Variants in SLC22A25 observed in about 807,000 individuals in gnomAD.
SLC22A25 encodes MGI:2442751, MGI:2385316, MGI:3042283, MGI:3645714, MGI:3605624, MGI:2442750.
SLC22A25 carries 44 observed loss-of-function variants against 45.9 expected under a neutral mutation model. The observed-to-expected ratio is 0.96, with a 90% CI of 0.75 to 1.23. The LOEUF (loss-of-function observed/expected upper bound fraction) is 1.23, where lower values mean the gene tolerates loss of function less well. Ranked by LOEUF, SLC22A25 falls within the 50% of genes most tolerant of loss-of-function variation. The pLI is 0.00. For synonymous variants in SLC22A25, 283 were observed against 238.6 expected, an observed-to-expected ratio of 1.19 and a Z score of -1.72; for missense variants, 800 against 666.4, an observed-to-expected ratio of 1.20 and a Z score of -2.21.
At chr11:63,214,467 C>T (rs1452882902) in intron 7 of SLC22A25, among the ~76,000 whole-genome samples, 3 of 152,196 alleles carry the variant, frequency 2.0e-5, no homozygotes, top group African/African-American at 7.2e-5. Flanking sequence ...AACCCAATTC[C>T]CCCTGAGAAA....
rs1204673322 is a variant in SLC22A25, at chr11:63,159,706, C to T, written c.*4118G>A. Among the ~76,000 whole-genome samples, 1 of 149,310 alleles carries T rather than the reference C, an allele frequency of 6.7e-6. No individual in the cohort carries two copies. The highest frequency in any genetic ancestry group is 1.5e-5 in the Non-Finnish European group (1 of 67,342). On this transcript the variant is annotated 3_prime_UTR_variant, in exon 12 of 12. Coordinates refer to ENST00000306494, the MANE Select transcript of SLC22A25 (RefSeq NM_199352.6). ...TGTGGAAGCAACTTTGGAACTGGGG[C>T]AATATTTGGAGGGCTCAGAAGAAGA...
chr11:63,217,525 G>C (rs1428914960), intron 6 of SLC22A25, 43 bp from the exon 7 acceptor site: 2 of 1,610,506 alleles, frequency 1.2e-6, no homozygotes, highest in Admixed American at 3.4e-5. Flanking sequence ...AATACAGGTG[G>C]AGCTTCAATG....
chr11:63,170,515 A>G (rs933424293), intron 9 of SLC22A25, among the ~76,000 whole-genome samples: 4 of 152,316 alleles, frequency 2.6e-5, no homozygotes, highest in Non-Finnish European at 4.4e-5. Flanking sequence ...AATACAAACT[A>G]CCGTCAGAGA....
At chr11:63,237,838 T>A (rs1200114495) in intron 3 of SLC22A25, 43 bp downstream of exon 3, 1 of 152,154 alleles carries the variant, frequency 6.6e-6, no homozygotes, top group Non-Finnish European at 1.5e-5. Flanking sequence ...CAATAAATAT[T>A]TCTCAATGAA....
intron 9 of SLC22A25, chr11:63,166,799 T>A: frequency 2.0e-6 from 2 of 984,028 alleles, no homozygotes; most frequent in Non-Finnish European, 2.4e-6. Context: ...TAAGAAAACC[T>A]ATTTTTATAT....
chr11:63,166,102 C>T lies in SLC22A25; in HGVS notation c.1227G>A (p.Gln409=), dbSNP rs201794592. Residue 409 remains glutamine (Q), a synonymous_variant, in exon 10 of 12, where the codon CAG becomes CAA. Transcript: ENST00000306494. The part of the protein sequence containing the change: ...ALNHMSRRLS[Q]MLLMFLLATC... ...TTGCCAGTAGGAACATGAGAAGCAT[C>T]TGGCTTAGTCGACGGCTCATGTGAT... The T allele has an allele frequency of 6.2e-7, 1 of 1,614,030 alleles. No individual in the cohort carries two copies.
chr11:63,166,315 A>T (rs2087683346), intron 9 of SLC22A25, 57 bp from the exon 10 acceptor site: 1 of 1,583,972 alleles, frequency 6.3e-7, no homozygotes, highest in Non-Finnish European at 8.6e-7. Flanking sequence ...AAATCCTACA[A>T]ATGAGAATAA....
chr11:63,185,588 A>G (rs1463156952), intron 7 of SLC22A25, among the ~76,000 whole-genome samples: 1 of 148,890 alleles, frequency 6.7e-6, no homozygotes, highest in Non-Finnish European at 1.5e-5. Flanking sequence ...ACATGTGCAC[A>G]TTGTGCAGGT....
intron 7 of SLC22A25, among the ~76,000 whole-genome samples, chr11:63,209,497 C>T (rs2089500111): frequency 6.6e-6 from 1 of 151,978 alleles, no homozygotes; most frequent in African/African-American, 2.4e-5. Flanking sequence ...GCTCAGTCTC[C>T]CCTGAAAGAG....
chr11:63,180,782 C>A lies in SLC22A25; in HGVS notation c.955-7G>T. 6.2e-7 allele frequency: 1 copy of A among 1,604,896 alleles called. No homozygotes were observed. The highest frequency in any genetic ancestry group is 1.1e-5 in the South Asian group (1 of 90,496). ...TCATGGTGGATTTCAAAACCTTCAA[C>A]AACAACAGAAGCAATAAACTGTTCA... On this transcript the variant is annotated splice_polypyrimidine_tract_variant and splice_region_variant and intron_variant, in intron 8 of 11. Coordinates refer to ENST00000306494, the MANE Select transcript of SLC22A25 (RefSeq NM_199352.6).
At chr11:63,229,162 T>C in intron 4 of SLC22A25, 89 bp downstream of exon 4, 1 of 1,359,232 alleles carries the variant, frequency 7.4e-7, no homozygotes, top group African/African-American at 1.4e-5. Flanking sequence ...AGCACCTACA[T>C]GTGACTAAAG....
At chr11:63,215,765 T>C (rs1184310705) in intron 7 of SLC22A25, among the ~76,000 whole-genome samples, 1 of 152,164 alleles carries the variant, frequency 6.6e-6, no homozygotes, top group Non-Finnish European at 1.5e-5. Context: ...CTTCTCTCTC[T>C]CTTTCCAAAC....
At chr11:63,194,098 A>T (rs1039412485) in intron 7 of SLC22A25, among the ~76,000 whole-genome samples, 1 of 152,228 alleles carries the variant, frequency 6.6e-6, no homozygotes, top group Non-Finnish European at 1.5e-5. Flanking sequence ...ATGAAGTGAG[A>T]AGAGAAGTTT....
At chr11:63,223,397 C>A (rs2089894296) in intron 5 of SLC22A25, among the ~76,000 whole-genome samples, 1 of 151,900 alleles carries the variant, frequency 6.6e-6, no homozygotes, top group African/African-American at 2.4e-5. Flanking sequence ...GTATATTTTC[C>A]AATTTATTGG....
chr11:63,160,520 G>T lies in SLC22A25; in HGVS notation c.*3304C>A, dbSNP rs112890928. ...GCCCAGGTAGAAGTTTGCTGCAGGGGTGGGGTCCTCATGGAGAACCTCTGC... is the reference window on the plus strand; with the variant it reads ...GCCCAGGTAGAAGTTTGCTGCAGGGTTGGGGTCCTCATGGAGAACCTCTGC... On this transcript the variant is annotated 3_prime_UTR_variant, in exon 12 of 12. Coordinates refer to ENST00000306494, the MANE Select transcript of SLC22A25 (RefSeq NM_199352.6). Among the ~76,000 whole-genome samples, 695 of 152,314 alleles carry T rather than the reference G, an allele frequency of 4.6e-3. 7 individuals carry two copies. The highest frequency in any genetic ancestry group is 0.016 in the African/African-American group (657 of 41,574).
At position 63,217,333 on chromosome 11, in the gene SLC22A25, CAA is replaced by C. The variant is rs762601482; in HGVS notation, c.809_810del (p.Phe270CysfsTer30). 175 of 1,613,466 alleles carry C rather than the reference CAA, an allele frequency of 1.1e-4. No individual in the cohort carries two copies. The highest frequency in any genetic ancestry group is 1.6e-4 in the Middle Eastern group (1 of 6,074). ...ILQLVMSAPC[F>X]VFFLFSRWLA... ...CAATACCTTGAGAACAGAAAGAAGA[CAA>C]AGCATGGTGCAGACATCACCAACTG... is the stretch of plus-strand genomic sequence containing the variant. On this transcript the variant is annotated frameshift_variant, in exon 7 of 12. Coordinates refer to ENST00000306494, the MANE Select transcript of SLC22A25 (RefSeq NM_199352.6). LOFTEE classifies it high-confidence loss of function.
chr11:63,165,092 T>G lies in SLC22A25; in HGVS notation c.1286-458A>C, dbSNP rs74457019. Among the ~76,000 whole-genome samples the G allele has an allele frequency of 7.5e-4, 114 of 152,272 alleles. No homozygotes were observed. In the East Asian group the frequency reaches 9.1e-3, roughly 12 times the overall value. On this transcript the variant is annotated intron_variant, in intron 10 of 11. Coordinates refer to ENST00000306494, the MANE Select transcript of SLC22A25 (RefSeq NM_199352.6). ...ATGGGGCTATGTTTGCAAAAGGCAGTCATAAAAGGACAGGGTTCCTATGTT... is the reference window on the plus strand; with the variant it reads ...ATGGGGCTATGTTTGCAAAAGGCAGGCATAAAAGGACAGGGTTCCTATGTT...
intron 7 of SLC22A25, among the ~76,000 whole-genome samples, chr11:63,194,621 A>G (rs1397416207): frequency 6.6e-6 from 1 of 152,134 alleles, no homozygotes; most frequent in African/African-American, 2.4e-5. Context: ...TGCCAAATGT[A>G]AAGACCATCG....
At chr11:63,205,095 T>C (rs917433124) in intron 7 of SLC22A25, among the ~76,000 whole-genome samples, 1 of 151,774 alleles carries the variant, frequency 6.6e-6, no homozygotes, top group East Asian at 1.9e-4. Flanking sequence ...CAGAAAAAAA[T>C]ACATTTTCTG....
Sources: gnomAD v4.1 joint callset for allele counts (sites outside exome capture counted in the v4.1 genomes callset) on GRCh38, gnomAD v4.1.1 for gene constraint, MANE v1.5 for transcripts, NCBI Gene and HGNC (gene_info 2026-07-23, HGNC 2026-07-21) for gene names.